The following DOCK1 variants were observed in gnomAD, a reference collection of about 807,000 sequenced individuals.
DOCK1 encodes the protein dedicator of cytokinesis protein 1.
A neutral mutation model predicts 262.7 loss-of-function variants in DOCK1; 138 were observed. The observed-to-expected ratio is 0.53, with a 90% CI of 0.46 to 0.61. The LOEUF is 0.61. DOCK1 is among the 20% of genes least tolerant of loss of function. The pLI is 0.00. For synonymous variants in DOCK1, 866 were observed against 867.4 expected (o/e 1.00, Z 0.03); for missense variants, 1,908 against 2,370.7 (o/e 0.80, Z 4.05).
chr10:127,393,143 C>T (rs1221688269), intron 38 of DOCK1, among the ~76,000 whole-genome samples: 2 of 152,126 alleles, frequency 1.3e-5, no homozygotes, highest in Non-Finnish European at 2.9e-5. Flanking sequence ...TTGGTTCGAT[C>T]TTACATGTAT....
chr10:127,031,622 A>G (rs1591744965), intron 16 of DOCK1, 28 bp from the exon 17 acceptor site: 2 of 1,538,756 alleles, frequency 1.3e-6, no homozygotes. Context: ...GAAAGCAATC[A>G]TCAATTTTTT....
At chr10:126,948,639 G>A (rs950362920) in intron 1 of DOCK1, among the ~76,000 whole-genome samples, 6,659 of 152,028 alleles carry the variant, frequency 0.044, 244 homozygotes, top group Non-Finnish European at 0.067. Flanking sequence ...CCGATGTGGG[G>A]TTGCAGGGTC....
At position 127,447,525 on chromosome 10, in the gene DOCK1, C is replaced by A. The variant is rs751435075; in HGVS notation, c.5545C>A (p.Pro1849Thr). 27 of 1,613,810 alleles carry A rather than the reference C, an allele frequency of 1.7e-5. No individual in the cohort carries two copies. Among genetic ancestry groups the A allele is most frequent in the Non-Finnish European group, 2.3e-5 (27 of 1,179,876 alleles). ...QDLLGSPTPP[P>T]PPPHQRHLPP... ...CTTGCTGGGCTCGCCAACACCTCCA[C>A]CTCCCCCTCCACACCAGAGGGTAAG... Residue 1849 changes from proline to threonine, a missense_variant, in exon 51 of 52, where the codon CCT becomes ACT. Transcript: ENST00000623213.
At chr10:127,450,652 C>G (rs911292894) in intron 51 of DOCK1, among the ~76,000 whole-genome samples, 2 of 152,168 alleles carry the variant, frequency 1.3e-5, no homozygotes, top group Admixed American at 6.5e-5. Context: ...TCATAACACT[C>G]CAGCCAGGTC....
chr10:126,915,926 T>C (rs1321697893), intron 1 of DOCK1, among the ~76,000 whole-genome samples: 1 of 152,234 alleles, frequency 6.6e-6, no homozygotes. Flanking sequence ...TTTTTGTCTT[T>C]ATAGAATGGA....
intron 47 of DOCK1, among the ~76,000 whole-genome samples, chr10:127,430,275 G>A (rs982351931): frequency 6.6e-6 from 1 of 152,166 alleles, no homozygotes; most frequent in South Asian, 2.1e-4. Flanking sequence ...CTGCCGGGGG[G>A]ACCCATCCCA....
intron 10 of DOCK1, among the ~76,000 whole-genome samples, chr10:127,005,821 T>C (rs1467065611): frequency 6.6e-6 from 1 of 152,222 alleles, no homozygotes; most frequent in African/African-American, 2.4e-5. Flanking sequence ...ATTTAACTGA[T>C]TGATTTTTTA....
At chr10:127,119,634 T>TGATTCTTACTGTTTAATTCTTAGGAA (rs1160935160) in intron 25 of DOCK1, among the ~76,000 whole-genome samples, 1 of 152,210 alleles carries the variant, frequency 6.6e-6, no homozygotes, top group African/African-American at 2.4e-5. Flanking sequence ...CCCATGTATA[T>TGATTCTTACTGTTTAATTCTTAGGAA]GATTCTTACT....
At position 127,100,894 on chromosome 10, in the gene DOCK1, T is replaced by C. The variant is rs551257105; in HGVS notation, c.2446-5337T>C. ...AAGTGGACGCAGGCCTTGCCCACAC[T>C]GTGGGGTATTGTCCGATGGAGCAGA... is the stretch of plus-strand genomic sequence containing the variant. On this transcript the variant is annotated intron_variant, in intron 23 of 51. Transcript: ENST00000623213. This position sits in a 1 kb window ranked among gnomAD's most constrained non-coding sequence, Gnocchi z 5.5. Among the ~76,000 whole-genome samples the C allele has an allele frequency of 1.6e-4, 24 of 152,150 alleles. No homozygotes were observed. The highest frequency in any genetic ancestry group is 3.4e-3 in the Middle Eastern group (1 of 294).
At chr10:127,158,071 C>T (rs1157021479) in intron 27 of DOCK1, among the ~76,000 whole-genome samples, 1 of 152,190 alleles carries the variant, frequency 6.6e-6, no homozygotes, top group Non-Finnish European at 1.5e-5. Flanking sequence ...TTTGGCTTCA[C>T]TGATAATTTT....
intron 29 of DOCK1, among the ~76,000 whole-genome samples, chr10:127,306,014 GTTT>G (rs534023263): frequency 1.5e-5 from 2 of 131,586 alleles, no homozygotes; most frequent in African/African-American, 2.9e-5. Context: ...TTTTTTCCTG[GTTT>G]TTTTTTTTTT....
At chr10:126,932,767 C>T (rs1381986716) in intron 1 of DOCK1, among the ~76,000 whole-genome samples, 4 of 152,074 alleles carry the variant, frequency 2.6e-5, no homozygotes, top group East Asian at 3.9e-4. Context: ...AGGGCACAGG[C>T]GACTGCAGAA....
chr10:126,955,406 G>A lies in DOCK1; in HGVS notation c.47-15296G>A, dbSNP rs900508236. 1.7e-3 allele frequency among the ~76,000 whole-genome samples: 263 copies of A among 152,342 alleles called. 1 individual carries two copies. In the East Asian group the frequency reaches 0.035, roughly 20 times the overall value. On this transcript the variant is annotated intron_variant, in intron 1 of 51. Transcript: ENST00000623213. Reference sequence around the variant, plus strand: ...CTCCCAAAGGGCTGGGATTACAGGCGTGAGCCAGTAATTTATCATAATTTT... The same window carrying A: ...CTCCCAAAGGGCTGGGATTACAGGCATGAGCCAGTAATTTATCATAATTTT...
At chr10:127,061,929 CTTTTTTTTT>C (rs562310710) in intron 23 of DOCK1, among the ~76,000 whole-genome samples, 153 bp downstream of exon 23, 1 of 71,796 alleles carries the variant, frequency 1.4e-5, no homozygotes, top group East Asian at 4.3e-4. Context: ...AAGAGCTGTG[CTTTTTTTTT>C]TTTTTTTTTT....
intron 31 of DOCK1, among the ~76,000 whole-genome samples, chr10:127,348,953 C>T (rs1358851330): frequency 6.6e-6 from 1 of 152,094 alleles, no homozygotes; most frequent in Admixed American, 6.6e-5. Flanking sequence ...TGAAATTATT[C>T]AAAATTAAAT....
At position 127,264,245 on chromosome 10, in the gene DOCK1, C is replaced by T. The variant is rs1239971752; in HGVS notation, c.3044+6816C>T. ...TCCTCCCTGCCTACTGTACCCTCTG[C>T]TCTCAGGATAATAAAGACATGAAAC... On this transcript the variant is annotated intron_variant, in intron 29 of 51. Transcript: ENST00000623213. Among the ~76,000 whole-genome samples, 4 of 152,302 alleles carry T rather than the reference C, an allele frequency of 2.6e-5. No individual in the cohort carries two copies. In the East Asian group the frequency reaches 5.8e-4, roughly 22 times the overall value.
At chr10:127,257,495 G>A in intron 29 of DOCK1, 66 bp downstream of exon 29, 1 of 1,421,370 alleles carries the variant, frequency 7.0e-7, no homozygotes, top group Non-Finnish European at 9.7e-7. Flanking sequence ...TGGGAACAGT[G>A]GTGTTGCCTG....
chr10:127,324,671 C>T (rs1387922688), intron 29 of DOCK1, among the ~76,000 whole-genome samples: 1 of 152,038 alleles, frequency 6.6e-6, no homozygotes, highest in Non-Finnish European at 1.5e-5. Context: ...TGTAAGTTAA[C>T]TGTTATCTCA....
rs10663938 is a variant in DOCK1, at chr10:127,452,305, AACACACAC to A, written c.*894_*901del. On this transcript the variant is annotated 3_prime_UTR_variant, in exon 52 of 52. Transcript: ENST00000623213. ...AATTTTTAACTGCTGGAAGTGTTAA[AACACACAC>A]ACACACACACACACATTTTTTTTTT... The A allele has an allele frequency of 4.7e-5, 7 of 149,420 alleles. No homozygotes were observed. The highest frequency in any genetic ancestry group is 1.5e-4 in the African/African-American group (6 of 40,620). 9.3% of individuals were successfully genotyped at this position (149,420 alleles called of 1,614,324 possible).
Sources: allele counts gnomAD v4.1 joint callset (sites outside exome capture counted in the v4.1 genomes callset), GRCh38; gene constraint gnomAD v4.1.1; non-coding constraint Gnocchi (gnomAD v3.1); transcripts MANE v1.5; gene names NCBI Gene and HGNC (gene_info 2026-07-23, HGNC 2026-07-21).